The following RALYL variants were observed in gnomAD, a reference collection of about 807,000 sequenced individuals.
The protein encoded by RALYL is RALY RNA binding protein like, also known as RNA-binding Raly-like protein.
A neutral mutation model predicts 35.1 loss-of-function variants in RALYL; 29 were observed. The observed-to-expected ratio is 0.83, with a 90% confidence interval of 0.61 to 1.13. The LOEUF (loss-of-function observed/expected upper bound fraction) is 1.13. RALYL is among the 50% of genes most tolerant of loss of function. RALYL has a pLI of 0.00. For missense variants in RALYL, 359 were observed against 360.4 expected, an observed-to-expected ratio of 1.00 and a Z score of 0.03; for synonymous variants, 120 against 127.6, an observed-to-expected ratio of 0.94 and a Z score of 0.40.
At chr8:84,715,532 C>G (rs536818223) in intron 2 of RALYL, among the ~76,000 whole-genome samples, 11 of 151,868 alleles carry the variant, frequency 7.2e-5, no homozygotes, top group African/African-American at 2.6e-4. Flanking sequence ...CATATAGAAA[C>G]AGAAAAAATA....
intron 1 of RALYL, among the ~76,000 whole-genome samples, chr8:84,407,895 A>T (rs1013786198): frequency 2.0e-5 from 3 of 152,050 alleles, no homozygotes; most frequent in Non-Finnish European, 2.9e-5. Flanking sequence ...CATTATATAG[A>T]TGAAGAAATT....
At chr8:84,320,335 G>T (rs1008042789) in intron 1 of RALYL, among the ~76,000 whole-genome samples, 5 of 151,304 alleles carry the variant, frequency 3.3e-5, no homozygotes, top group African/African-American at 9.7e-5. Context: ...ACCTTCTCTT[G>T]CTCTCTTTCT....
intron 3 of RALYL, among the ~76,000 whole-genome samples, chr8:84,790,952 G>T (rs1385514685): frequency 6.6e-6 from 1 of 152,158 alleles, no homozygotes; most frequent in Admixed American, 6.5e-5. Flanking sequence ...CGTGTACTGA[G>T]AAACCTTTAG....
chr8:84,453,636 T>C (rs1390432328), intron 1 of RALYL, among the ~76,000 whole-genome samples: 1 of 135,998 alleles, frequency 7.4e-6, no homozygotes, highest in Non-Finnish European at 1.5e-5. Flanking sequence ...GAAAGGACAA[T>C]TAATTTAATC....
chr8:84,306,741 A>T (rs1841885647), intron 1 of RALYL, among the ~76,000 whole-genome samples: 1 of 152,180 alleles, frequency 6.6e-6, no homozygotes, highest in Non-Finnish European at 1.5e-5. Flanking sequence ...AAGGGATTTG[A>T]ACAAAGATGA....
At chr8:84,214,909 A>G (rs1441441295) in intron 1 of RALYL, among the ~76,000 whole-genome samples, 1 of 150,258 alleles carries the variant, frequency 6.7e-6, no homozygotes, top group African/African-American at 2.4e-5. Flanking sequence ...ATTTTTATAT[A>G]TTTATTTAAT....
At chr8:84,664,705 A>G (rs962409873) in intron 2 of RALYL, among the ~76,000 whole-genome samples, 2 of 152,102 alleles carry the variant, frequency 1.3e-5, no homozygotes, top group Admixed American at 1.3e-4. Flanking sequence ...GAAGTTGCTT[A>G]TCAGCTTAAG....
intron 1 of RALYL, among the ~76,000 whole-genome samples, chr8:84,416,811 A>T (rs2132285410): frequency 6.6e-6 from 1 of 152,282 alleles, no homozygotes; most frequent in Non-Finnish European, 1.5e-5. Context: ...TGGTTAGCCT[A>T]TCTAGAATAA....
chr8:84,750,352 A>C (rs970098892), intron 2 of RALYL, among the ~76,000 whole-genome samples: 2 of 152,150 alleles, frequency 1.3e-5, no homozygotes, highest in African/African-American at 4.8e-5. Context: ...TCTGAACGCA[A>C]CCTATCTAAG....
chr8:84,573,650 A>T (rs540221344), intron 2 of RALYL, among the ~76,000 whole-genome samples: 44 of 151,916 alleles, frequency 2.9e-4, no homozygotes, highest in African/African-American at 1.0e-3. Flanking sequence ...ACTCCAATCC[A>T]CGTATGTTTA....
At chr8:84,694,534 G>A (rs1246682689) in intron 2 of RALYL, among the ~76,000 whole-genome samples, 1 of 151,710 alleles carries the variant, frequency 6.6e-6, no homozygotes, top group Admixed American at 6.6e-5. Flanking sequence ...ACTACTCAAA[G>A]CAATCTGTAG....
At chr8:84,359,879 T>G (rs763748369) in intron 1 of RALYL, among the ~76,000 whole-genome samples, 1 of 126,452 alleles carries the variant, frequency 7.9e-6, no homozygotes, top group Admixed American at 8.6e-5. Context: ...AAAAATATCA[T>G]GTTTTTTTTT....
At chr8:84,298,280 T>C (rs1840141779) in intron 1 of RALYL, among the ~76,000 whole-genome samples, 1 of 152,174 alleles carries the variant, frequency 6.6e-6, no homozygotes, top group African/African-American at 2.4e-5. Flanking sequence ...GCACCATTTA[T>C]TGAACATAGA....
chr8:84,902,534 A>G (rs1845868413), intron 8 of RALYL, among the ~76,000 whole-genome samples: 2 of 152,172 alleles, frequency 1.3e-5, no homozygotes, highest in Non-Finnish European at 2.9e-5. Flanking sequence ...CTTAATCCCT[A>G]ATAAAATTTA....
At chr8:84,693,340 C>A (rs1310408598) in intron 2 of RALYL, among the ~76,000 whole-genome samples, 1 of 151,772 alleles carries the variant, frequency 6.6e-6, no homozygotes, top group Non-Finnish European at 1.5e-5. Context: ...GCAAACACGT[C>A]CTTCTTCACA....
At chr8:84,463,648 TA>T in intron 1 of RALYL, among the ~76,000 whole-genome samples, 1 of 152,238 alleles carries the variant, frequency 6.6e-6, no homozygotes, top group East Asian at 1.9e-4. Flanking sequence ...AGCTTATGTT[TA>T]TTCCTCTGTA....
intron 1 of RALYL, among the ~76,000 whole-genome samples, chr8:84,256,305 A>G (rs1831200524): frequency 6.6e-6 from 1 of 152,172 alleles, no homozygotes. Context: ...ACAGAGAATA[A>G]CATTTCTACT....
intron 1 of RALYL, among the ~76,000 whole-genome samples, chr8:84,472,358 C>T (rs2052878717): frequency 1.3e-5 from 2 of 152,042 alleles, no homozygotes; most frequent in African/African-American, 4.8e-5. Flanking sequence ...AGCAAAATCC[C>T]TAGTGAGTTC....
chr8:84,788,767 G>A (rs1334138295), intron 3 of RALYL, among the ~76,000 whole-genome samples: 4 of 152,198 alleles, frequency 2.6e-5, no homozygotes, highest in Non-Finnish European at 5.9e-5. Context: ...ACAGAATGCC[G>A]AGTTCAGTAT....
Sources: allele counts gnomAD v4.1 joint callset (sites outside exome capture counted in the v4.1 genomes callset), GRCh38; gene constraint gnomAD v4.1.1; transcripts MANE v1.5; gene names NCBI Gene and HGNC (gene_info 2026-07-23, HGNC 2026-07-21).